NREP: variants seen among roughly 807,000 people sequenced by gnomAD.
The protein encoded by NREP is neuronal regeneration-related protein.
A neutral mutation model predicts 8.6 loss-of-function variants in NREP; 5 were observed. That is an observed-to-expected ratio of 0.58 (90% confidence interval 0.30 to 1.22). The LOEUF (loss-of-function observed/expected upper bound fraction) is 1.22. Ranked by LOEUF, NREP falls within the 50% of genes most tolerant of loss-of-function variation. The pLI, the probability that NREP is intolerant of heterozygous loss-of-function variation, is 0.07. For missense variants in NREP, 86 were observed against 82.5 expected (o/e 1.04, Z -0.17); for synonymous variants, 27 against 28.0 (o/e 0.96, Z 0.11).
chr5:111,969,804 G>T (rs1756752001), intron 2 of NREP, among the ~76,000 whole-genome samples: 1 of 152,156 alleles, frequency 6.6e-6, no homozygotes, highest in African/African-American at 2.4e-5. Context: ...TTTAAACCTT[G>T]AGATTCTACA....
At chr5:111,934,370 G>A (rs2112604259) in intron 2 of NREP, among the ~76,000 whole-genome samples, 1 of 152,190 alleles carries the variant, frequency 6.6e-6, no homozygotes, top group Non-Finnish European at 1.5e-5. Flanking sequence ...ATCTGGTGAA[G>A]GGAAGGTAAA....
chr5:111,768,962 A>G (rs1037373896), intron 2 of NREP, among the ~76,000 whole-genome samples: 2 of 152,198 alleles, frequency 1.3e-5, no homozygotes, highest in Non-Finnish European at 2.9e-5. Flanking sequence ...TGGCTGCACT[A>G]ATTTATTTTC....
intron 2 of NREP, among the ~76,000 whole-genome samples, chr5:111,886,103 A>G (rs1052513844): frequency 6.6e-6 from 1 of 152,190 alleles, no homozygotes; most frequent in African/African-American, 2.4e-5. Context: ...CAGAATCTAC[A>G]ATGAACTCAA....
At chr5:111,735,571 G>T in intron 2 of NREP, 64 bp from the exon 3 acceptor site, 3 of 1,204,732 alleles carry the variant, frequency 2.5e-6, no homozygotes, top group Non-Finnish European at 3.7e-6. Flanking sequence ...AACTACACGG[G>T]ATAACCTTAA....
intron 2 of NREP, among the ~76,000 whole-genome samples, chr5:111,903,846 G>T (rs1754710959): frequency 6.6e-6 from 1 of 152,084 alleles, no homozygotes; most frequent in African/African-American, 2.4e-5. Context: ...CTGTCTACAA[G>T]GTCCAAGTTA....
At chr5:111,785,766 C>G (rs1039550124) in intron 2 of NREP, among the ~76,000 whole-genome samples, 2 of 152,032 alleles carry the variant, frequency 1.3e-5, no homozygotes, top group Non-Finnish European at 2.9e-5. Context: ...TATCAATTAT[C>G]CATAGCAGTG....
intron 2 of NREP, among the ~76,000 whole-genome samples, chr5:111,840,554 A>T (rs1401166566): frequency 6.6e-6 from 1 of 152,092 alleles, no homozygotes; most frequent in South Asian, 2.1e-4. Flanking sequence ...TTCTCAATTG[A>T]GTCTGAGACT....
At chr5:111,876,389 C>A (rs1753909906) in intron 2 of NREP, among the ~76,000 whole-genome samples, 1 of 152,178 alleles carries the variant, frequency 6.6e-6, no homozygotes, top group South Asian at 2.1e-4. Flanking sequence ...AGCCCAACTT[C>A]ATTGGCCATT....
At chr5:111,793,993 G>T (rs1458716472) in intron 2 of NREP, among the ~76,000 whole-genome samples, 1 of 152,192 alleles carries the variant, frequency 6.6e-6, no homozygotes, top group Non-Finnish European at 1.5e-5. Context: ...AGAGGAGAAG[G>T]CTGCAGTGAG....
At chr5:111,891,883 C>T (rs1437293763) in intron 2 of NREP, among the ~76,000 whole-genome samples, 1 of 152,170 alleles carries the variant, frequency 6.6e-6, no homozygotes, top group Admixed American at 6.5e-5. Context: ...CCCTCAAGCC[C>T]CACTTCCAAC....
intron 2 of NREP, among the ~76,000 whole-genome samples, chr5:111,963,802 G>A (rs1050417857): frequency 1.2e-4 from 19 of 152,156 alleles, no homozygotes; most frequent in African/African-American, 4.3e-4. Flanking sequence ...GTAGTGCCAT[G>A]GTCAAAACAA....
At chr5:111,929,011 T>C (rs1324957132) in intron 2 of NREP, among the ~76,000 whole-genome samples, 1 of 152,146 alleles carries the variant, frequency 6.6e-6, no homozygotes, top group African/African-American at 2.4e-5. Flanking sequence ...ATAATAAATG[T>C]ACTTGTTTTA....
rs1354005574 is a variant in NREP at position 111,887,172 on chromosome 5, C to A, written c.135+88102G>T. 2.0e-5 allele frequency among the ~76,000 whole-genome samples: 3 copies of A among 152,138 alleles called. No individual in the cohort carries two copies. The South Asian group carries it at 6.2e-4, about 32-fold the overall frequency. Reference sequence around the variant, plus strand: ...CTCTTGGGTTCCAGCAATCTTCCTTCCTTGGTCTCCCAAGGTGCTGAGATT... The same window carrying A: ...CTCTTGGGTTCCAGCAATCTTCCTTACTTGGTCTCCCAAGGTGCTGAGATT... On this transcript the variant is annotated intron_variant, in intron 2 of 3. Coordinates refer to the NREP transcript ENST00000395634.
chr5:111,878,665 A>G (rs1253016313), intron 2 of NREP, among the ~76,000 whole-genome samples: 1 of 152,176 alleles, frequency 6.6e-6, no homozygotes, highest in African/African-American at 2.4e-5. Context: ...AGGCCTTAGA[A>G]AAGGCACTGT....
At chr5:111,763,701 A>G (rs1035328819) in intron 2 of NREP, among the ~76,000 whole-genome samples, 1 of 152,232 alleles carries the variant, frequency 6.6e-6, no homozygotes, top group Non-Finnish European at 1.5e-5. Flanking sequence ...CTGGTAGTTA[A>G]TGCTGTTCTA....
intron 2 of NREP, among the ~76,000 whole-genome samples, chr5:111,771,578 C>T (rs1751230574): frequency 6.6e-6 from 1 of 151,978 alleles, no homozygotes; most frequent in African/African-American, 2.4e-5. Context: ...GCCTGACCAA[C>T]ATGGAGAAAA....
chr5:111,845,331 G>A (rs572455263), intron 2 of NREP, among the ~76,000 whole-genome samples: 5 of 151,408 alleles, frequency 3.3e-5, no homozygotes, highest in Non-Finnish European at 5.9e-5. Flanking sequence ...CTCTCACCTG[G>A]ATTCCAGAGC....
intron 2 of NREP, among the ~76,000 whole-genome samples, chr5:111,740,922 A>G (rs1177827620): frequency 3.9e-5 from 6 of 152,176 alleles, no homozygotes; most frequent in Non-Finnish European, 7.4e-5. Context: ...AGACTGTTCT[A>G]TGAGAATGAT....
intron 2 of NREP, among the ~76,000 whole-genome samples, chr5:111,744,568 A>G (rs1749884198): frequency 6.6e-6 from 1 of 152,148 alleles, no homozygotes; most frequent in South Asian, 2.1e-4. Context: ...GTTAGAATGG[A>G]TATGCCCCTG....
Sources: allele counts gnomAD v4.1 joint callset (sites outside exome capture counted in the v4.1 genomes callset), GRCh38; gene constraint gnomAD v4.1.1; transcripts MANE v1.5; gene names NCBI Gene and HGNC (gene_info 2026-07-23, HGNC 2026-07-21).